RBFOX1: variants seen among roughly 807,000 people sequenced by gnomAD.
The protein encoded by RBFOX1 is RNA binding protein fox-1 homolog 1.
Under a neutral mutation model 57.7 loss-of-function variants are expected in RBFOX1, and 8 were observed. The ratio of observed to expected loss-of-function variants is 0.14; its 90% confidence interval spans 0.08 to 0.25. The LOEUF is 0.25. Among genes scored for constraint, RBFOX1 ranks in the 10% least tolerant of loss-of-function variants. RBFOX1 has a pLI of 1.00. For synonymous variants in RBFOX1, 326 were observed against 222.4 expected, an observed-to-expected ratio of 1.47 and a Z score of -4.15; for missense variants, 611 against 548.5, an observed-to-expected ratio of 1.11 and a Z score of -1.14.
intron 1 of RBFOX1, among the ~76,000 whole-genome samples, chr16:5,448,968 C>T (rs1421415420): frequency 1.3e-5 from 2 of 152,114 alleles, no homozygotes; most frequent in Non-Finnish European, 2.9e-5. Context: ...GCCATAACCC[C>T]ACCGTCCTCC....
intron 1 of RBFOX1, among the ~76,000 whole-genome samples, chr16:5,395,674 T>A (rs1333470255): frequency 6.6e-6 from 1 of 152,222 alleles, no homozygotes. Flanking sequence ...CTGTGACTTG[T>A]TTTTAGCCAA....
intron 4 of RBFOX1, among the ~76,000 whole-genome samples, chr16:7,389,030 C>G (rs1362416412): frequency 1.3e-5 from 2 of 152,124 alleles, no homozygotes; most frequent in East Asian, 3.9e-4. Context: ...CTTTGGAGAG[C>G]CTGAATGAAT....
intron 4 of RBFOX1, among the ~76,000 whole-genome samples, chr16:7,213,825 C>T (rs887931840): frequency 1.1e-4 from 16 of 152,122 alleles, no homozygotes; most frequent in South Asian, 2.1e-4. Context: ...ATAGACTTCT[C>T]TGATGGATGA....
intron 4 of RBFOX1, among the ~76,000 whole-genome samples, chr16:7,277,663 G>T (rs142875619): frequency 6.6e-6 from 1 of 152,252 alleles, no homozygotes; most frequent in East Asian, 1.9e-4. Flanking sequence ...CAAGAAGCTT[G>T]AGAGAAGTCT....
At chr16:5,617,962 C>G (rs554723958) in intron 3 of RBFOX1, among the ~76,000 whole-genome samples, 2 of 152,166 alleles carry the variant, frequency 1.3e-5, no homozygotes, top group African/African-American at 4.8e-5. Context: ...CAAGCTCTGG[C>G]ATGCAGAAGG....
At chr16:7,112,617 G>A (rs1198664748) in intron 4 of RBFOX1, among the ~76,000 whole-genome samples, 1 of 151,450 alleles carries the variant, frequency 6.6e-6, no homozygotes, top group Non-Finnish European at 1.5e-5. Flanking sequence ...TAATGGCTGA[G>A]GCTGAAAATT....
At chr16:6,937,695 A>G (rs2077615095) in intron 3 of RBFOX1, among the ~76,000 whole-genome samples, 1 of 152,154 alleles carries the variant, frequency 6.6e-6, no homozygotes, top group South Asian at 2.1e-4. Flanking sequence ...GCAATTGGTT[A>G]AAAGAGTTAT....
intron 4 of RBFOX1, among the ~76,000 whole-genome samples, chr16:7,467,754 C>T (rs1020871211): frequency 1.3e-5 from 2 of 152,204 alleles, no homozygotes; most frequent in African/African-American, 2.4e-5. Context: ...GCACATGCAA[C>T]GTCTTCCCCA....
At position 5,352,182 on chromosome 16, in the gene RBFOX1, C is replaced by T. The variant is rs559187152; in HGVS notation, c.219+112077C>T. Reference sequence around the variant, plus strand: ...TTTCAATTTATTTATTCAGCGGATGCTGCTTCCCTCTCATGTGCTCCTCCG... The same window carrying T: ...TTTCAATTTATTTATTCAGCGGATGTTGCTTCCCTCTCATGTGCTCCTCCG... On this transcript the variant is annotated intron_variant, in intron 1 of 2. Transcript: ENST00000585867. Among the ~76,000 whole-genome samples, 7 of 152,282 alleles carry T rather than the reference C, an allele frequency of 4.6e-5. No homozygotes were observed. The East Asian group carries it at 1.3e-3, about 29-fold the overall frequency.
intron 3 of RBFOX1, among the ~76,000 whole-genome samples, chr16:7,041,150 G>T (rs550834870): frequency 2.9e-4 from 41 of 142,516 alleles, no homozygotes; most frequent in African/African-American, 1.0e-3. Context: ...TGGTCAGGCT[G>T]GTGTCGAACA....
At chr16:5,737,891 C>G (rs1223972010) in intron 3 of RBFOX1, among the ~76,000 whole-genome samples, 1 of 151,890 alleles carries the variant, frequency 6.6e-6, no homozygotes, top group East Asian at 1.9e-4. Flanking sequence ...AGTTCTGAGA[C>G]ACATGTGCAG....
intron 4 of RBFOX1, among the ~76,000 whole-genome samples, chr16:5,880,788 A>C (rs1156362419): frequency 1.3e-5 from 2 of 152,224 alleles, no homozygotes; most frequent in African/African-American, 2.4e-5. Flanking sequence ...ACAATACAAA[A>C]TACTTAGAAT....
At chr16:6,520,093 T>C (rs777139677) in intron 2 of RBFOX1, among the ~76,000 whole-genome samples, 1 of 152,210 alleles carries the variant, frequency 6.6e-6, no homozygotes, top group Non-Finnish European at 1.5e-5. Context: ...CCAGGCACAT[T>C]CAGTGAACTG....
chr16:5,289,703 C>G (rs990379513), intron 1 of RBFOX1, among the ~76,000 whole-genome samples: 2 of 152,070 alleles, frequency 1.3e-5, no homozygotes, highest in African/African-American at 4.8e-5. Flanking sequence ...TGAGGGTGAC[C>G]CAGGTCAACG....
At chr16:6,641,463 G>A (rs549749025) in intron 2 of RBFOX1, among the ~76,000 whole-genome samples, 1 of 152,038 alleles carries the variant, frequency 6.6e-6, no homozygotes, top group Non-Finnish European at 1.5e-5. Context: ...CGCCGGGCAC[G>A]GTGGCCCACA....
chr16:7,018,108 C>CT (rs1274845807), intron 3 of RBFOX1, among the ~76,000 whole-genome samples: 1 of 152,050 alleles, frequency 6.6e-6, no homozygotes, highest in Non-Finnish European at 1.5e-5. Flanking sequence ...CTCTGTGGAG[C>CT]ATCTAGGTCT....
intron 5 of RBFOX1, among the ~76,000 whole-genome samples, chr16:7,572,709 G>A (rs958218334): frequency 6.6e-6 from 1 of 152,056 alleles, no homozygotes; most frequent in African/African-American, 2.4e-5. Context: ...CGTAGTGGCT[G>A]GCGCCTGTAG....
intron 4 of RBFOX1, among the ~76,000 whole-genome samples, chr16:7,428,249 T>C (rs776345013): frequency 6.6e-6 from 1 of 152,062 alleles, no homozygotes; most frequent in Non-Finnish European, 1.5e-5. Context: ...GCTATTGGCA[T>C]ATCGTCACTG....
At chr16:7,187,310 C>T (rs1453713655) in intron 4 of RBFOX1, among the ~76,000 whole-genome samples, 2 of 152,000 alleles carry the variant, frequency 1.3e-5, no homozygotes, top group South Asian at 2.1e-4. Context: ...TGCATCTGTC[C>T]TTCCTTAATC....
Sources: gnomAD v4.1 joint callset for allele counts (sites outside exome capture counted in the v4.1 genomes callset) on GRCh38, gnomAD v4.1.1 for gene constraint, MANE v1.5 for transcripts, NCBI Gene and HGNC (gene_info 2026-07-23, HGNC 2026-07-21) for gene names.